CTNNA2: variants seen among roughly 807,000 people sequenced by gnomAD.
The protein encoded by CTNNA2 is catenin alpha 2.
In CTNNA2, 42 loss-of-function variants were observed where a neutral mutation model predicts 101.0. The observed-to-expected ratio is 0.42, with a 90% CI of 0.32 to 0.54. The LOEUF (loss-of-function observed/expected upper bound fraction) is 0.54. Ranked by LOEUF, CTNNA2 falls within the 20% of genes least tolerant of loss-of-function variation. The pLI, the probability that CTNNA2 is intolerant of heterozygous loss-of-function variation, is 0.14. For synonymous variants in CTNNA2, 450 were observed against 456.4 expected (o/e 0.99, Z 0.18); for missense variants, 871 against 1,223.1 (o/e 0.71, Z 4.29).
chr2:79,372,133 G>A (rs189927628), intron 3 of CTNNA2, among the ~76,000 whole-genome samples: 8 of 152,210 alleles, frequency 5.3e-5, no homozygotes, highest in African/African-American at 1.9e-4. Flanking sequence ...CTCAGCAGTG[G>A]CACAAGTGAG....
At chr2:79,533,147 C>A (rs1176730571) in intron 1 of CTNNA2, among the ~76,000 whole-genome samples, 1 of 151,996 alleles carries the variant, frequency 6.6e-6, no homozygotes, top group East Asian at 1.9e-4. Context: ...CCATCTCATT[C>A]TCCTCCTAAC....
chr2:80,463,558 T>C (rs1408156350), intron 9 of CTNNA2, among the ~76,000 whole-genome samples: 1 of 152,166 alleles, frequency 6.6e-6, no homozygotes. Context: ...GTTTTCATGT[T>C]CAGGCTGCTT....
chr2:79,970,339 A>G (rs558625454), intron 7 of CTNNA2, among the ~76,000 whole-genome samples: 14 of 152,302 alleles, frequency 9.2e-5, no homozygotes, highest in African/African-American at 3.4e-4. Flanking sequence ...ACCTCTTTTC[A>G]AAAATGCCTT....
At chr2:80,253,221 C>T (rs1671897780) in intron 7 of CTNNA2, among the ~76,000 whole-genome samples, 1 of 152,138 alleles carries the variant, frequency 6.6e-6, no homozygotes, top group Admixed American at 6.6e-5. Context: ...GAGCAAGTTT[C>T]ATAACCTTTC....
chr2:80,384,635 C>G (rs1388307165), intron 7 of CTNNA2, among the ~76,000 whole-genome samples: 1 of 151,292 alleles, frequency 6.6e-6, no homozygotes, highest in East Asian at 1.9e-4. Flanking sequence ...ATTTGAGGAA[C>G]AGTATGAATC....
intron 2 of CTNNA2, among the ~76,000 whole-genome samples, chr2:79,686,901 C>T (rs1010549070): frequency 6.6e-5 from 10 of 152,084 alleles, no homozygotes; most frequent in Non-Finnish European, 1.3e-4. Context: ...ACCCCAAATG[C>T]CACTCCATTA....
At chr2:80,001,028 C>T (rs1692910833) in intron 7 of CTNNA2, among the ~76,000 whole-genome samples, 1 of 152,176 alleles carries the variant, frequency 6.6e-6, no homozygotes, top group African/African-American at 2.4e-5. Context: ...TGAGGATGCT[C>T]TAGAAGGCTG....
chr2:79,430,897 G>T (rs1009463771), intron 4 of CTNNA2, among the ~76,000 whole-genome samples: 1 of 151,890 alleles, frequency 6.6e-6, no homozygotes, highest in East Asian at 1.9e-4. Flanking sequence ...ATTTTATTCA[G>T]GTCTTTGCAT....
intron 2 of CTNNA2, among the ~76,000 whole-genome samples, chr2:79,213,034 C>T (rs1335870778): frequency 3.3e-5 from 5 of 152,246 alleles, no homozygotes; most frequent in East Asian, 1.9e-4. Flanking sequence ...TAGAATGGGC[C>T]TGTGAGGCTG....
At chr2:79,520,170 G>C (rs1672028225) in intron 1 of CTNNA2, among the ~76,000 whole-genome samples, 2 of 152,138 alleles carry the variant, frequency 1.3e-5, no homozygotes, top group African/African-American at 4.8e-5. Flanking sequence ...TGAATACTTT[G>C]TTGTGGATTG....
At chr2:80,619,578 CTTTG>C (rs1558650322) in intron 18 of CTNNA2, among the ~76,000 whole-genome samples, 1 of 151,832 alleles carries the variant, frequency 6.6e-6, no homozygotes, top group Admixed American at 6.6e-5. Context: ...ATGTATTCTT[CTTTG>C]TTTGGAAGAT....
At chr2:79,472,059 C>G (rs1259291642) in intron 4 of CTNNA2, among the ~76,000 whole-genome samples, 1 of 152,132 alleles carries the variant, frequency 6.6e-6, no homozygotes, top group Non-Finnish European at 1.5e-5. Flanking sequence ...GAGTGACACC[C>G]CATGTCTAAT....
chr2:79,681,080 C>T (rs1033501603), intron 2 of CTNNA2, among the ~76,000 whole-genome samples: 1 of 152,094 alleles, frequency 6.6e-6, no homozygotes. Flanking sequence ...AGTTGAGCCT[C>T]GGAGATTGAG....
intron 7 of CTNNA2, among the ~76,000 whole-genome samples, chr2:80,079,686 C>T (rs905716324): frequency 2.6e-4 from 39 of 151,680 alleles, no homozygotes; most frequent in Admixed American, 1.6e-3. Flanking sequence ...TGGTGGCGGG[C>T]GCCTGTAGTC....
intron 7 of CTNNA2, among the ~76,000 whole-genome samples, chr2:80,035,564 A>G (rs557955151): frequency 6.6e-6 from 1 of 152,318 alleles, no homozygotes; most frequent in East Asian, 1.9e-4. Flanking sequence ...GTACATTTAA[A>G]AATATATATC....
At chr2:79,817,230 T>C (rs538637849) in intron 3 of CTNNA2, among the ~76,000 whole-genome samples, 1 of 151,186 alleles carries the variant, frequency 6.6e-6, no homozygotes, top group Non-Finnish European at 1.5e-5. Flanking sequence ...TGTGAGGTCA[T>C]CTCTTCATTT....
chr2:80,413,981 G>A (rs749436946), intron 8 of CTNNA2, among the ~76,000 whole-genome samples: 15 of 152,194 alleles, frequency 9.9e-5, no homozygotes, highest in Non-Finnish European at 2.1e-4. Context: ...AAATGGTCAG[G>A]CATTTATTAA....
chr2:80,006,632 G>A (rs1693372288), intron 7 of CTNNA2, among the ~76,000 whole-genome samples: 1 of 152,108 alleles, frequency 6.6e-6, no homozygotes, highest in Non-Finnish European at 1.5e-5. Context: ...AATTTCCACT[G>A]CGCTAGGTAT....
rs189344195 is a variant in CTNNA2, at chr2:79,808,548, G to C, written c.299-49465G>C. Among the ~76,000 whole-genome samples the C allele has an allele frequency of 5.1e-3, 774 of 152,244 alleles. 15 individuals are homozygous for C. The highest frequency in any genetic ancestry group is 0.032 in the Admixed American group (487 of 15,288). On this transcript the variant is annotated intron_variant, in intron 3 of 18. Transcript: ENST00000402739. ...TATTTTCTTTACAGTGTCTTTGAAA[G>C]AGAATACTTTTTTATGTTTATAAAG...
Sources: gnomAD v4.1 joint callset for allele counts (sites outside exome capture counted in the v4.1 genomes callset) on GRCh38, gnomAD v4.1.1 for gene constraint, MANE v1.5 for transcripts, NCBI Gene and HGNC (gene_info 2026-07-23, HGNC 2026-07-21) for gene names.